BTD: variants seen among roughly 807,000 people sequenced by gnomAD.
BTD encodes biotinidase, also known as biocytinase.
Under a neutral mutation model 17.7 loss-of-function variants are expected in BTD, and 13 were observed. The observed-to-expected ratio is 0.74, with a 90% CI of 0.48 to 1.17. The LOEUF is 1.17. Ranked by LOEUF, BTD falls within the 50% of genes most tolerant of loss-of-function variation. BTD has a pLI of 0.00. For synonymous variants in BTD, 240 were observed against 245.2 expected (o/e 0.98, Z 0.20); for missense variants, 674 against 650.4 (o/e 1.04, Z -0.39).
At chr3:15,669,423 T>C (rs1283601195) in intron 3 of BTD, 1 of 152,166 alleles carries the variant, frequency 6.6e-6, no homozygotes, top group African/African-American at 2.4e-5. Context: ...GGAAATTCTT[T>C]ACATTTTCAA....
chr3:15,619,374 G>A (rs1311336854), intron 1 of BTD, among the ~76,000 whole-genome samples: 1 of 152,174 alleles, frequency 6.6e-6, no homozygotes, highest in Non-Finnish European at 1.5e-5. Flanking sequence ...CAGCTGGAGT[G>A]CAGTGGTACA....
At chr3:15,702,830 C>T (rs751999669) in intron 3 of BTD, among the ~76,000 whole-genome samples, 17 of 152,096 alleles carry the variant, frequency 1.1e-4, no homozygotes, top group Non-Finnish European at 4.4e-5. Flanking sequence ...CCCACCACCC[C>T]ACCCCTGGCC....
At chr3:15,680,348 C>A (rs1166051047) in intron 3 of BTD, among the ~76,000 whole-genome samples, 1 of 151,958 alleles carries the variant, frequency 6.6e-6, no homozygotes, top group African/African-American at 2.4e-5. Flanking sequence ...GGACTACAGG[C>A]GCCCACCACC....
intron 3 of BTD, among the ~76,000 whole-genome samples, chr3:15,674,174 CAAAAAAAAAAA>C (rs34806568): frequency 9.9e-5 from 4 of 40,282 alleles, no homozygotes; most frequent in Admixed American, 4.4e-4. Flanking sequence ...CCTGCCTCTT[CAAAAAAAAAAA>C]AAAAAAAAAA....
intron 3 of BTD, among the ~76,000 whole-genome samples, chr3:15,675,303 TG>T: frequency 6.6e-6 from 1 of 152,056 alleles, no homozygotes; most frequent in Non-Finnish European, 1.5e-5. Context: ...AACAAAAGAA[TG>T]GAAGAATGAG....
intron 3 of BTD, chr3:15,678,295 C>T (rs756089133): frequency 3.1e-6 from 5 of 1,612,972 alleles, no homozygotes; most frequent in Non-Finnish European, 4.2e-6. Context: ...AGCATTATGG[C>T]TGAGCAGCAG....
At chr3:15,718,616 T>C (rs1340068678) in intron 4 of BTD, among the ~76,000 whole-genome samples, 1 of 152,212 alleles carries the variant, frequency 6.6e-6, no homozygotes, top group Non-Finnish European at 1.5e-5. Context: ...TAAATATTCA[T>C]GCCAAAATGG....
intron 1 of BTD, among the ~76,000 whole-genome samples, chr3:15,606,228 CA>C (rs1037270349): frequency 6.6e-6 from 1 of 151,970 alleles, no homozygotes; most frequent in Non-Finnish European, 1.5e-5. Context: ...AAGCTTTTTC[CA>C]AATAGTTACT....
At chr3:15,601,607 G>A (rs774415182), upstream of BTD, 2 of 1,569,350 alleles carry the variant, frequency 1.3e-6, no homozygotes, top group Non-Finnish European at 8.6e-7. Context: ...TAAACAACGG[G>A]AAGGAAGAGG....
chr3:15,608,049 A>G (rs949731186), intron 1 of BTD, among the ~76,000 whole-genome samples: 2 of 152,168 alleles, frequency 1.3e-5, no homozygotes, highest in African/African-American at 4.8e-5. Flanking sequence ...ATCAGTAATA[A>G]CTCATTAATA....
intron 1 of BTD, among the ~76,000 whole-genome samples, chr3:15,604,298 G>C (rs1380942464): frequency 6.6e-6 from 1 of 152,240 alleles, no homozygotes; most frequent in African/African-American, 2.4e-5. Context: ...TCAACACCAT[G>C]TGGAAGCTGC....
At chr3:15,703,674 T>C (rs1489487674) in intron 3 of BTD, among the ~76,000 whole-genome samples, 1 of 152,220 alleles carries the variant, frequency 6.6e-6, no homozygotes, top group Non-Finnish European at 1.5e-5. Flanking sequence ...TATTTTGTTA[T>C]ACCAGTCCAA....
At chr3:15,702,971 A>T (rs994190648) in intron 3 of BTD, among the ~76,000 whole-genome samples, 1 of 152,212 alleles carries the variant, frequency 6.6e-6, no homozygotes, top group Non-Finnish European at 1.5e-5. Context: ...TTAGACTAGT[A>T]TCTCCATTTC....
downstream of BTD, among the ~76,000 whole-genome samples, chr3:15,657,289 G>C (rs2065881387): frequency 6.6e-6 from 1 of 152,218 alleles, no homozygotes; most frequent in South Asian, 2.1e-4. Context: ...AGTGGGAGGA[G>C]TGTAAAAGAA....
intron 1 of BTD, among the ~76,000 whole-genome samples, chr3:15,611,175 G>A (rs138923594): frequency 6.3e-4 from 96 of 152,216 alleles, no homozygotes; most frequent in African/African-American, 2.2e-3. Flanking sequence ...GTGGTCACGC[G>A]TCCACACATG....
chr3:15,609,149 A>G (rs1368823019), intron 1 of BTD, among the ~76,000 whole-genome samples: 9 of 152,164 alleles, frequency 5.9e-5, no homozygotes, highest in Non-Finnish European at 1.5e-5. Flanking sequence ...CTTAGCTGTG[A>G]TTTATTCTTT....
chr3:15,681,259 A>C (rs1015792807), intron 3 of BTD, among the ~76,000 whole-genome samples: 1 of 151,542 alleles, frequency 6.6e-6, no homozygotes, highest in Non-Finnish European at 1.5e-5. Context: ...GAATAATGAC[A>C]AAAAAAAAGT....
chr3:15,614,598 CTT>C (rs869155456), intron 1 of BTD, among the ~76,000 whole-genome samples: 51 of 125,134 alleles, frequency 4.1e-4, no homozygotes, highest in Middle Eastern at 4.3e-3. Flanking sequence ...ATATCTTTTT[CTT>C]TTTTTTTTTT....
chr3:15,673,776 G>T (rs2066623308), intron 3 of BTD, among the ~76,000 whole-genome samples: 1 of 152,156 alleles, frequency 6.6e-6, no homozygotes, highest in African/African-American at 2.4e-5. Context: ...CACAATGCAT[G>T]TATAACCCTG....
Sources: gnomAD v4.1 joint callset for allele counts (sites outside exome capture counted in the v4.1 genomes callset) on GRCh38, gnomAD v4.1.1 for gene constraint, MANE v1.5 for transcripts, NCBI Gene and HGNC (gene_info 2026-07-23, HGNC 2026-07-21) for gene names.